Variants in CCDC138 observed in about 807,000 individuals in gnomAD.
The protein encoded by CCDC138 is coiled-coil domain-containing protein 138.
A neutral mutation model predicts 82.3 loss-of-function variants in CCDC138; 66 were observed. That is an observed-to-expected ratio of 0.80 (90% CI 0.66 to 0.98). CCDC138 has a LOEUF of 0.98. CCDC138 is among the 50% of genes least tolerant of loss of function. The probability of loss-of-function intolerance (pLI) is 0.00; values close to 1 mark genes in which losing one functional copy is unlikely to be tolerated. For synonymous variants in CCDC138, 297 were observed against 265.4 expected (o/e 1.12, Z -1.16); for missense variants, 816 against 758.9 (o/e 1.08, Z -0.88).
At chr2:108,798,708 TAC>T (rs34242205) in intron 6 of CCDC138, 122 bp downstream of exon 6, 41,689 of 423,958 alleles carry the variant, frequency 0.098, 3,970 homozygotes, top group East Asian at 0.55. Context: ...TCTCCACGCC[TAC>T]ACACACACAC....
Position 108,822,851 on chromosome 2 carries a change from G to A in CCDC138, c.1206+6746G>A, listed in dbSNP as rs527496467. On this transcript the variant is annotated intron_variant, in intron 10 of 14. Transcript: ENST00000295124. ...AGGAAGAGAGATCAAAATCAAAATCGACAGCCTGGCTGTGATTTGGTTCTT... is the reference window on the plus strand; with the variant it reads ...AGGAAGAGAGATCAAAATCAAAATCAACAGCCTGGCTGTGATTTGGTTCTT... 2.0e-4 allele frequency among the ~76,000 whole-genome samples: 30 copies of A among 152,194 alleles called. No homozygotes were observed. In the South Asian group the frequency reaches 2.3e-3, roughly 12 times the overall value.
chr2:108,787,624 C>G (rs1573882644), intron 1 of CCDC138, among the ~76,000 whole-genome samples: 1 of 152,036 alleles, frequency 6.6e-6, no homozygotes, highest in African/African-American at 2.4e-5. Flanking sequence ...CAGATCCGAC[C>G]CAAGAACGAG....
intron 5 of CCDC138, 26 bp from the exon 6 acceptor site, chr2:108,798,402 C>T (rs780855808): frequency 3.1e-6 from 5 of 1,596,720 alleles, no homozygotes; most frequent in Non-Finnish European, 3.4e-6. Flanking sequence ...TTTTCAAGAG[C>T]ATTAAAGTCT....
rs566619792 is a variant in CCDC138 at position 108,871,735 on chromosome 2, G to T, written c.1694-1716G>T. Among the ~76,000 whole-genome samples the T allele has an allele frequency of 1.4e-4, 22 of 152,258 alleles. No homozygotes were observed. In the East Asian group the frequency reaches 3.7e-3, roughly 25 times the overall value. On this transcript the variant is annotated intron_variant, in intron 13 of 14. Coordinates refer to ENST00000295124, the MANE Select transcript of CCDC138 (RefSeq NM_144978.3). Reference sequence around the variant, plus strand: ...GAATTGATTGACTTCCAGCCTGAAAGATGAAATACATACTGCTAATGTATT... The same window carrying T: ...GAATTGATTGACTTCCAGCCTGAAATATGAAATACATACTGCTAATGTATT...
Position 108,876,117 on chromosome 2 carries a change from C to T in CCDC138, c.1862C>T (p.Thr621Met), listed in dbSNP as rs199557194. 8.1e-6 allele frequency: 13 copies of T among 1,601,132 alleles called. 1 individual carries two copies. Among genetic ancestry groups the T allele is most frequent in the Middle Eastern group, 1.7e-4 (1 of 6,008 alleles). The change falls in exon 15 of 15, where the codon ACG (threonine) becomes ATG (methionine). Residue 621 changes from threonine (T) to methionine (M), a missense_variant. Thr to Met is a moderately conservative substitution (Grantham distance 81). Coordinates refer to ENST00000295124, the MANE Select transcript of CCDC138 (RefSeq NM_144978.3). ...KSNKKLFELF[T>M]IHLMLQEIQR... Reference sequence around the variant, plus strand: ...AATAAGAAGCTCTTTGAACTTTTTACGATTCATCTGATGCTTCAAGAAATA... The same window carrying T: ...AATAAGAAGCTCTTTGAACTTTTTATGATTCATCTGATGCTTCAAGAAATA...
chr2:108,855,664 C>T (rs1692471922), intron 12 of CCDC138, among the ~76,000 whole-genome samples: 1 of 152,120 alleles, frequency 6.6e-6, no homozygotes, highest in African/African-American at 2.4e-5. Context: ...ATGGAGTGTA[C>T]TATAATTGAT....
intron 10 of CCDC138, among the ~76,000 whole-genome samples, chr2:108,825,208 G>A (rs1686353232): frequency 6.6e-6 from 1 of 152,046 alleles, no homozygotes. Flanking sequence ...AGAGACTTAG[G>A]AGACACAAAA....
intron 10 of CCDC138, among the ~76,000 whole-genome samples, chr2:108,817,196 C>T (rs1272073319): frequency 6.6e-6 from 1 of 152,110 alleles, no homozygotes; most frequent in African/African-American, 2.4e-5. Context: ...CTTTTTAAAC[C>T]AGAAGGATTC....
intron 10 of CCDC138, among the ~76,000 whole-genome samples, chr2:108,823,995 G>T (rs932450996): frequency 2.0e-5 from 3 of 149,804 alleles, no homozygotes; most frequent in Non-Finnish European, 3.0e-5. Flanking sequence ...AAAGGGAGGG[G>T]TGGGGGGTAC....
At chr2:108,824,044 G>A (rs1005572868) in intron 10 of CCDC138, among the ~76,000 whole-genome samples, 7 of 152,100 alleles carry the variant, frequency 4.6e-5, no homozygotes, top group East Asian at 3.9e-4. Context: ...GAGCTTGTAC[G>A]ACTAGAAGTT....
chr2:108,863,252 C>G (rs958395785), intron 13 of CCDC138, among the ~76,000 whole-genome samples: 4 of 152,128 alleles, frequency 2.6e-5, no homozygotes, highest in Non-Finnish European at 5.9e-5. Flanking sequence ...ATTATAGATG[C>G]AATATTTCTA....
At position 108,790,295 on chromosome 2, in the gene CCDC138, T is replaced by C. The variant is rs974732170; in HGVS notation, c.266+1329T>C. Among the ~76,000 whole-genome samples the C allele has an allele frequency of 5.3e-5, 8 of 152,334 alleles. No homozygotes were observed. The East Asian group carries it at 9.6e-4, about 18-fold the overall frequency. ...TTATAAATTTATGGAAATTATTTTC[T>C]TTTTAACTGAGTTTTATCATTTTTT... On this transcript the variant is annotated intron_variant, in intron 3 of 14. Transcript: ENST00000295124.
chr2:108,814,488 T>A (rs1444229197), intron 9 of CCDC138, among the ~76,000 whole-genome samples: 1 of 152,088 alleles, frequency 6.6e-6, no homozygotes, highest in Non-Finnish European at 1.5e-5. Context: ...TTGAAAAAAA[T>A]TGAGAAAGTG....
Position 108,786,831 on chromosome 2 carries a change from G to C in CCDC138, c.9G>C (p.Pro3=). The stretch of plus-strand genomic sequence containing the variant: ...TACGGTTGCTGTGTGCTATGGAGCC[G>C]AGGGTCGTCAAGCCACCGGGGCAGG... ME[P]RVVKPPGQDL... The change falls in exon 1 of 15, where the codon CCG becomes CCC. Residue 3 remains proline, a synonymous_variant. Transcript: ENST00000295124. 6.3e-7 allele frequency: 1 copy of C among 1,591,262 alleles called. No individual in the cohort carries two copies. Among genetic ancestry groups the C allele is most frequent in the Non-Finnish European group, 8.5e-7 (1 of 1,170,346 alleles).
chr2:108,877,783 C>T (rs772954196), downstream of CCDC138, among the ~76,000 whole-genome samples: 1 of 152,162 alleles, frequency 6.6e-6, no homozygotes, highest in Non-Finnish European at 1.5e-5. Context: ...TGAAAGGGCT[C>T]ATCATGTTCC....
At chr2:108,858,200 C>G (rs1358460885) in intron 13 of CCDC138, among the ~76,000 whole-genome samples, 1 of 152,066 alleles carries the variant, frequency 6.6e-6, no homozygotes, top group Non-Finnish European at 1.5e-5. Flanking sequence ...AAAAATTAGC[C>G]GGGCATGGTG....
chr2:108,879,930 A>T (rs1203544089), downstream of CCDC138, among the ~76,000 whole-genome samples: 3 of 152,154 alleles, frequency 2.0e-5, no homozygotes, highest in Non-Finnish European at 4.4e-5. Flanking sequence ...GAAGATTTTT[A>T]TTTTCAGCAG....
chr2:108,812,755 A>AT, intron 8 of CCDC138, 47 bp downstream of exon 8: 1 of 1,610,364 alleles, frequency 6.2e-7, no homozygotes, highest in Non-Finnish European at 8.5e-7. Context: ...TTTTTAGATG[A>AT]TTACCTTTGA....
At chr2:108,800,608 C>CTTTTTTTTTTTT (rs67529329) in intron 6 of CCDC138, among the ~76,000 whole-genome samples, 7 of 33,486 alleles carry the variant, frequency 2.1e-4, no homozygotes, top group African/African-American at 2.8e-4. Context: ...CTCAGTTTAG[C>CTTTTTTTTTTTT]TTTTTTTTTT....
Sources: allele counts gnomAD v4.1 joint callset (sites outside exome capture counted in the v4.1 genomes callset), GRCh38; gene constraint gnomAD v4.1.1; transcripts MANE v1.5; gene names NCBI Gene and HGNC (gene_info 2026-07-23, HGNC 2026-07-21).